The following KCNB2 variants were observed in gnomAD, a reference collection of about 807,000 sequenced individuals.
The protein encoded by KCNB2 is potassium voltage-gated channel subfamily B member 2, also known as delayed rectifier potassium channel protein.
Under a neutral mutation model 61.5 loss-of-function variants are expected in KCNB2, and 15 were observed. That is an observed-to-expected ratio of 0.24 (90% CI 0.16 to 0.38). KCNB2 has a LOEUF of 0.38. KCNB2 is among the 10% of genes least tolerant of loss of function. The pLI is 1.00. For synonymous variants in KCNB2, 457 were observed against 446.0 expected, an observed-to-expected ratio of 1.02 and a Z score of -0.31; for missense variants, 828 against 1,125.2, an observed-to-expected ratio of 0.74 and a Z score of 3.78.
intron 1 of KCNB2, among the ~76,000 whole-genome samples, chr8:72,561,785 A>ATGTG (rs1806538308): frequency 1.4e-5 from 1 of 72,508 alleles, no homozygotes; most frequent in African/African-American, 9.7e-5. Context: ...ATGGATATAT[A>ATGTG]TATACATATA....
intron 2 of KCNB2, among the ~76,000 whole-genome samples, chr8:72,910,091 G>T (rs1806261799): frequency 6.6e-6 from 1 of 152,146 alleles, no homozygotes; most frequent in Non-Finnish European, 1.5e-5. Context: ...GGAGACCAAG[G>T]CTCAAGTCGC....
intron 2 of KCNB2, chr8:72,750,743 T>G (rs1808174730): frequency 6.6e-6 from 1 of 152,126 alleles, no homozygotes; most frequent in Admixed American, 6.6e-5. Context: ...CCATCAACAG[T>G]TTTTGTTTTT....
intron 2 of KCNB2, among the ~76,000 whole-genome samples, chr8:72,716,286 C>G (rs6994317): frequency 0.66 from 100,625 of 151,846 alleles, 33,955 homozygotes; most frequent in African/African-American, 0.76. Context: ...AATAGAAAAA[C>G]AGGGAATCCT....
chr8:72,865,964 G>A (rs1199622860), intron 2 of KCNB2, among the ~76,000 whole-genome samples: 1 of 152,108 alleles, frequency 6.6e-6, no homozygotes, highest in Non-Finnish European at 1.5e-5. Context: ...GTCCACAAAG[G>A]CAGAGGCCGT....
At chr8:72,724,765 G>A (rs1006298733) in intron 2 of KCNB2, among the ~76,000 whole-genome samples, 2 of 152,016 alleles carry the variant, frequency 1.3e-5, no homozygotes, top group East Asian at 1.9e-4. Flanking sequence ...TACCAGATAC[G>A]GCAGTTGTGA....
intron 2 of KCNB2, among the ~76,000 whole-genome samples, chr8:72,714,989 T>A (rs1376312158): frequency 2.6e-5 from 4 of 151,606 alleles, no homozygotes; most frequent in South Asian, 4.2e-4. Context: ...ATGGAAAACA[T>A]AAAAAGGCAG....
chr8:72,603,157 C>T (rs886985331), intron 2 of KCNB2, among the ~76,000 whole-genome samples: 1 of 152,160 alleles, frequency 6.6e-6, no homozygotes, highest in African/African-American at 2.4e-5. Flanking sequence ...TATACTAAAG[C>T]ACATGTGTGA....
chr8:72,763,463 C>G (rs943588418), intron 2 of KCNB2, among the ~76,000 whole-genome samples: 3 of 152,144 alleles, frequency 2.0e-5, no homozygotes, highest in Admixed American at 6.5e-5. Flanking sequence ...GGGCATCGGA[C>G]AGATGCTGGA....
At chr8:72,930,313 C>A (rs933369596) in intron 2 of KCNB2, among the ~76,000 whole-genome samples, 31 of 151,686 alleles carry the variant, frequency 2.0e-4, no homozygotes, top group Non-Finnish European at 3.7e-4. Context: ...GGGTATATAC[C>A]CAGTAATGGG....
intron 2 of KCNB2, among the ~76,000 whole-genome samples, chr8:72,670,498 T>A (rs1806546588): frequency 6.6e-6 from 1 of 152,142 alleles, no homozygotes; most frequent in African/African-American, 2.4e-5. Context: ...AGCTCTCTCT[T>A]TTTCCGAACC....
chr8:72,613,570 C>A (rs1378999612), intron 2 of KCNB2, among the ~76,000 whole-genome samples: 1 of 152,184 alleles, frequency 6.6e-6, no homozygotes, highest in African/African-American at 2.4e-5. Context: ...GTATTAAGAT[C>A]TGACCATCTG....
rs397892520 is a variant in KCNB2 at position 72,794,564 on chromosome 8, C to CAA, written c.580-141349_580-141348dup. 5.3e-3 allele frequency among the ~76,000 whole-genome samples: 297 copies of CAA among 56,250 alleles called. 2 individuals carry two copies. Among genetic ancestry groups the CAA allele is most frequent in the Non-Finnish European group, 6.8e-3 (203 of 29,928 alleles). 36.9% of individuals were successfully genotyped at this position (56,250 alleles called of 152,430 possible). On this transcript the variant is annotated intron_variant, in intron 2 of 2. Transcript: ENST00000523207. ...TGGGCAACGGAGCAAGACTCCATCT[C>CAA]AAAAAAAAAAAAAAAAAAAAAAAGG...
chr8:72,923,780 G>A (rs539930329), intron 2 of KCNB2, among the ~76,000 whole-genome samples: 19 of 152,288 alleles, frequency 1.2e-4, no homozygotes, highest in Non-Finnish European at 2.5e-4. Flanking sequence ...CAAATAGGAC[G>A]TAATAAGGAT....
At chr8:72,793,229 G>A (rs1413786561) in intron 2 of KCNB2, among the ~76,000 whole-genome samples, 1 of 152,102 alleles carries the variant, frequency 6.6e-6, no homozygotes, top group Non-Finnish European at 1.5e-5. Flanking sequence ...CATCCTAGAG[G>A]GAGGATTAGA....
At chr8:72,693,465 G>A (rs1266792972) in intron 2 of KCNB2, among the ~76,000 whole-genome samples, 2 of 152,072 alleles carry the variant, frequency 1.3e-5, no homozygotes, top group Non-Finnish European at 2.9e-5. Context: ...TGCCATACAG[G>A]GAGCATAAAT....
intron 2 of KCNB2, among the ~76,000 whole-genome samples, chr8:72,921,951 A>G (rs762491520): frequency 6.6e-6 from 1 of 152,148 alleles, no homozygotes; most frequent in Non-Finnish European, 1.5e-5. Flanking sequence ...TCTTAGCTCT[A>G]TCTCTCATTA....
intron 2 of KCNB2, among the ~76,000 whole-genome samples, chr8:72,579,813 C>T (rs1474375189): frequency 6.6e-6 from 1 of 152,148 alleles, no homozygotes; most frequent in Non-Finnish European, 1.5e-5. Context: ...TTCTTGCAAC[C>T]CTTACTCTAT....
intron 2 of KCNB2, among the ~76,000 whole-genome samples, chr8:72,607,898 T>G (rs906223696): frequency 3.9e-5 from 6 of 152,202 alleles, no homozygotes; most frequent in African/African-American, 1.4e-4. Context: ...CTTATTTAAC[T>G]GGGTTAGTAC....
chr8:72,923,718 A>G (rs1203722735), intron 2 of KCNB2, among the ~76,000 whole-genome samples: 1 of 152,206 alleles, frequency 6.6e-6, no homozygotes, highest in Non-Finnish European at 1.5e-5. Context: ...AGTCAGCAAC[A>G]TGCACAGAAA....
Sources: allele counts gnomAD v4.1 joint callset (sites outside exome capture counted in the v4.1 genomes callset), GRCh38; gene constraint gnomAD v4.1.1; transcripts MANE v1.5; gene names NCBI Gene and HGNC (gene_info 2026-07-23, HGNC 2026-07-21).